Variants in SRGAP1 observed in about 807,000 individuals in gnomAD.
SRGAP1 encodes the protein SLIT-ROBO Rho GTPase-activating protein 1.
A neutral mutation model predicts 121.9 loss-of-function variants in SRGAP1; 43 were observed. The observed-to-expected ratio is 0.35, with a 90% CI of 0.28 to 0.46. The LOEUF (loss-of-function observed/expected upper bound fraction) is 0.46, where lower values mean the gene tolerates loss of function less well. Ranked by LOEUF, SRGAP1 falls within the 20% of genes least tolerant of loss-of-function variation. SRGAP1 has a pLI of 1.00. For missense variants in SRGAP1, 1,102 were observed against 1,350.9 expected (o/e 0.82, Z 2.89); for synonymous variants, 447 against 485.4 (o/e 0.92, Z 1.04).
chr12:64,133,241 A>G (rs898388747), intron 21 of SRGAP1, among the ~76,000 whole-genome samples: 1 of 152,156 alleles, frequency 6.6e-6, no homozygotes, highest in Non-Finnish European at 1.5e-5. Context: ...GCCTGCTCTA[A>G]TGGCTTCCAT....
intron 5 of SRGAP1, 77 bp downstream of exon 5, chr12:64,043,049 A>G: frequency 1.0e-6 from 1 of 955,264 alleles, no homozygotes; most frequent in East Asian, 2.4e-5. Flanking sequence ...AATAGCTGAT[A>G]TCCACACATT....
intron 12 of SRGAP1, chr12:64,092,034 G>C (rs1331592872): frequency 1.1e-6 from 1 of 898,502 alleles, no homozygotes; most frequent in Non-Finnish European, 1.7e-6. Flanking sequence ...AAAGAAAAAT[G>C]TTTGCATTTG....
At chr12:63,977,244 C>A (rs1289652319) in intron 1 of SRGAP1, among the ~76,000 whole-genome samples, 1 of 152,150 alleles carries the variant, frequency 6.6e-6, no homozygotes, top group Non-Finnish European at 1.5e-5. Context: ...AGTGGCTCTC[C>A]CCTGTCATTT....
In SRGAP1 at chr12:64,146,253, G is replaced by C. The variant is rs1391342171; in HGVS notation, c.*3581G>C. ...TTTGGTGCCCCTTGAGCCACCTGTA[G>C]AATAATTTATAGCAGGGTCCCACAA... is the stretch of plus-strand genomic sequence containing the variant. On this transcript the variant is annotated 3_prime_UTR_variant, in exon 22 of 22. Transcript: ENST00000355086. The C allele has an allele frequency of 1.3e-5, 2 of 152,134 alleles. No homozygotes were observed. The highest frequency in any genetic ancestry group is 1.3e-4 in the Admixed American group (2 of 15,282). 9.4% of individuals were successfully genotyped at this position (152,134 alleles called of 1,614,324 possible).
At chr12:63,857,664 A>G (rs1021444654) in intron 1 of SRGAP1, among the ~76,000 whole-genome samples, 2 of 152,150 alleles carry the variant, frequency 1.3e-5, no homozygotes, top group Non-Finnish European at 2.9e-5. Flanking sequence ...GATTACAGGC[A>G]TGAGCCACCG....
At chr12:63,927,367 G>A (rs2031298858) in intron 1 of SRGAP1, among the ~76,000 whole-genome samples, 2 of 152,124 alleles carry the variant, frequency 1.3e-5, no homozygotes, top group South Asian at 4.1e-4. Flanking sequence ...CCCGGATTAG[G>A]TACTTGGTAA....
chr12:64,157,776 ACTGATGCTAG>A lies in SRGAP1; in HGVS notation c.*15108_*15117del, dbSNP rs1466976595. On this transcript the variant is annotated 3_prime_UTR_variant, in exon 22 of 22. Transcript: ENST00000355086. ...TAGCTGTGTGATTTCACAAGAGATA[ACTGATGCTAG>A]CTGCTGTAACAAACAACCCCCCAAA... 2 of 151,978 alleles carry A rather than the reference ACTGATGCTAG, an allele frequency of 1.3e-5. No homozygotes were observed. Among genetic ancestry groups the A allele is most frequent in the Non-Finnish European group, 2.9e-5 (2 of 67,992 alleles). The allele number at this position is 151,978 out of a possible 1,614,324, so 9.4% of individuals were successfully genotyped here. A position where few individuals can be genotyped will look rare whatever the true frequency, so the allele number is the denominator to read the frequency against.
At position 64,017,028 on chromosome 12, in the gene SRGAP1, T is replaced by G. The variant is rs934655260; in HGVS notation, c.489+16T>G. On this transcript the variant is annotated intron_variant, in intron 4 of 21. Coordinates refer to ENST00000355086, the MANE Select transcript of SRGAP1 (RefSeq NM_020762.4). The stretch of plus-strand genomic sequence containing the variant: ...GCTTTATACGGTAAGGACATAATCT[T>G]TCTTCTTTTCTAGAATCCTTGGGTT... 28 of 1,416,042 alleles carry G rather than the reference T, an allele frequency of 2.0e-5. No homozygotes were observed. Among genetic ancestry groups the G allele is most frequent in the Non-Finnish European group, 2.6e-5 (27 of 1,020,268 alleles). The allele number at this position is 1,416,042 out of a possible 1,614,324, so 87.7% of individuals were successfully genotyped here.
At chr12:64,059,766 T>A (rs1206036845) in intron 6 of SRGAP1, among the ~76,000 whole-genome samples, 1 of 152,206 alleles carries the variant, frequency 6.6e-6, no homozygotes, top group Non-Finnish European at 1.5e-5. Flanking sequence ...GAGGACTTTG[T>A]TCATCTGGGA....
intron 15 of SRGAP1, 128 bp from the exon 16 acceptor site, chr12:64,108,804 A>C (rs1301556922): frequency 1.5e-5 from 8 of 526,664 alleles, no homozygotes. Context: ...TTTTGGTTAC[A>C]ATTGGATCTC....
At chr12:63,921,424 A>G (rs2031038436) in intron 1 of SRGAP1, among the ~76,000 whole-genome samples, 1 of 152,114 alleles carries the variant, frequency 6.6e-6, no homozygotes, top group South Asian at 2.1e-4. Flanking sequence ...CCATATCTCT[A>G]GTGCCATCTC....
intron 8 of SRGAP1, among the ~76,000 whole-genome samples, chr12:64,074,848 C>T (rs528597598): frequency 1.5e-4 from 23 of 152,266 alleles, no homozygotes; most frequent in African/African-American, 4.3e-4. Flanking sequence ...TATTTACCTT[C>T]AGTATTCAGC....
intron 1 of SRGAP1, among the ~76,000 whole-genome samples, chr12:63,972,549 C>T (rs1015551877): frequency 6.6e-6 from 1 of 152,158 alleles, no homozygotes; most frequent in Admixed American, 6.5e-5. Flanking sequence ...ATTTTGATAA[C>T]TTAGTATACT....
chr12:63,872,139 C>G, intron 1 of SRGAP1: 1 of 467,006 alleles, frequency 2.1e-6, no homozygotes, highest in Non-Finnish European at 3.9e-6. Context: ...GGGAGTTTTT[C>G]TTTAAATGGA....
intron 7 of SRGAP1, among the ~76,000 whole-genome samples, chr12:64,064,769 A>C (rs2035507842): frequency 6.6e-6 from 1 of 152,170 alleles, no homozygotes. Flanking sequence ...ATGTCCGTAC[A>C]ATCCACTTGA....
At chr12:63,893,441 G>C (rs1900652711) in intron 1 of SRGAP1, among the ~76,000 whole-genome samples, 1 of 152,116 alleles carries the variant, frequency 6.6e-6, no homozygotes, top group Non-Finnish European at 1.5e-5. Context: ...AGGTGGCAAG[G>C]GTTTCAGGGA....
intron 4 of SRGAP1, chr12:64,032,498 C>T (rs2034802560): frequency 1.7e-6 from 2 of 1,152,952 alleles, no homozygotes; most frequent in Admixed American, 1.8e-5. Flanking sequence ...GTTTATCCAG[C>T]AGCCAGGCAT....
intron 21 of SRGAP1, among the ~76,000 whole-genome samples, chr12:64,138,116 C>G (rs1367030470): frequency 6.6e-6 from 1 of 151,992 alleles, no homozygotes; most frequent in Non-Finnish European, 1.5e-5. Flanking sequence ...TTAAACAGCT[C>G]CCATTTCACC....
At position 64,144,716 on chromosome 12, in the gene SRGAP1, C is replaced by T. The variant is rs1301590425; in HGVS notation, c.*2044C>T. On this transcript the variant is annotated 3_prime_UTR_variant, in exon 22 of 22. Transcript: ENST00000355086. ...CCCATTTCTCCTGAGCTTTTGGGGT[C>T]CTTCAGCACCCTTGGACACCGTGGA... 1.3e-5 allele frequency: 2 copies of T among 152,106 alleles called. No individual in the cohort carries two copies. The highest frequency in any genetic ancestry group is 4.8e-5 in the African/African-American group (2 of 41,366). 9.4% of individuals were successfully genotyped at this position (152,106 alleles called of 1,614,324 possible).
Sources: gnomAD v4.1 joint callset for allele counts (sites outside exome capture counted in the v4.1 genomes callset) on GRCh38, gnomAD v4.1.1 for gene constraint, MANE v1.5 for transcripts, NCBI Gene and HGNC (gene_info 2026-07-23, HGNC 2026-07-21) for gene names.